The following ZNF14 variants were observed in gnomAD, a reference collection of about 807,000 sequenced individuals.
The protein encoded by ZNF14 is zinc finger protein 14, also known as gonadotropin inducible transcription repressor-4.
In ZNF14, 9 loss-of-function variants were observed where a neutral mutation model predicts 11.3. The ratio of observed to expected loss-of-function variants is 0.80; its 90% CI spans 0.48 to 1.39. The LOEUF (loss-of-function observed/expected upper bound fraction) is 1.39. Ranked by LOEUF, ZNF14 falls within the 40% of genes most tolerant of loss-of-function variation. ZNF14 has a pLI of 0.00. For synonymous variants in ZNF14, 239 were observed against 245.7 expected (o/e 0.97, Z 0.25); for missense variants, 711 against 763.9 (o/e 0.93, Z 0.82).
Position 19,733,049 on chromosome 19 carries a change from T to A in ZNF14, c.-91A>T. 2 of 1,537,792 alleles carry A rather than the reference T, an allele frequency of 1.3e-6. No homozygotes were observed. Among genetic ancestry groups the A allele is most frequent in the Admixed American group, 3.8e-5 (2 of 52,468 alleles). The stretch of plus-strand genomic sequence containing the variant: ...CGACAAAGGATGCGCTAGAGCCACC[T>A]TCGGCCTTCAGGAGCAGGTGAAACG... On this transcript the variant is annotated 5_prime_UTR_variant, in exon 1 of 4. The change creates a new upstream start codon in the 5' untranslated region. Transcript: ENST00000344099.
At chr19:19,717,734 A>C (rs1246175467) in intron 1 of ZNF14, among the ~76,000 whole-genome samples, 1 of 152,208 alleles carries the variant, frequency 6.6e-6, no homozygotes, top group Non-Finnish European at 1.5e-5. Context: ...AAAACATCAC[A>C]GCTCGGGCAC....
At position 19,713,019 on chromosome 19, in the gene ZNF14, G is replaced by T. The variant is rs780425761; in HGVS notation, c.262C>A (p.Pro88Thr). The change falls in exon 4 of 4, where the codon CCA becomes ACA. Residue 88 changes from proline to threonine, a missense_variant. Transcript: ENST00000344099. Reference protein sequence around the residue: ...SKCGETTSQMPNVNINKETFT... With the variant: ...SKCGETTSQMTNVNINKETFT... The stretch of plus-strand genomic sequence containing the variant: ...GTTTCCTTGTTGATATTAACATTTG[G>T]CATCTGGCTAGTGGTTTCTCCACAT... The T allele has an allele frequency of 5.0e-6, 8 of 1,614,028 alleles. 1 individual carries two copies. In the South Asian group the frequency reaches 8.8e-5, roughly 18 times the overall value.
intron 1 of ZNF14, among the ~76,000 whole-genome samples, chr19:19,725,313 G>A (rs1395265201): frequency 7.5e-6 from 1 of 133,082 alleles, no homozygotes; most frequent in Non-Finnish European, 1.7e-5. Context: ...GTCTGTAAAG[G>A]ATTTTATTTC....
At chr19:19,713,770 A>G (rs2062369659) in intron 3 of ZNF14, among the ~76,000 whole-genome samples, 2 of 56,796 alleles carry the variant, frequency 3.5e-5, no homozygotes, top group Admixed American at 1.5e-4. Flanking sequence ...TTTTCCCCAG[A>G]TGAGGTCTTG....
chr19:19,730,904 C>A (rs1466724486), intron 1 of ZNF14, among the ~76,000 whole-genome samples: 1 of 152,024 alleles, frequency 6.6e-6, no homozygotes, highest in Non-Finnish European at 1.5e-5. Context: ...AAGAGTGAAA[C>A]TCCATCTCAA....
chr19:19,712,955 C>A lies in ZNF14; in HGVS notation c.326G>T (p.Gly109Val), dbSNP rs929370696. 1.2e-6 allele frequency: 2 copies of A among 1,614,014 alleles called. No individual in the cohort carries two copies. Among genetic ancestry groups the A allele is most frequent in the Non-Finnish European group, 1.7e-6 (2 of 1,180,034 alleles). ...GGACGAATGATGAATGAAGTCTCTT[C>A]CACAAAAGCTGCATTCATGTGGTTT... ...GAKPHECSFC[G>V]RDFIHHSSLN... The change falls in exon 4 of 4, where the codon GGA becomes GTA. Residue 109 changes from glycine (G) to valine (V), a missense_variant. Coordinates refer to ENST00000344099, the MANE Select transcript of ZNF14 (RefSeq NM_021030.3).
intron 1 of ZNF14, among the ~76,000 whole-genome samples, chr19:19,719,317 C>A (rs1477894977): frequency 6.6e-6 from 1 of 152,106 alleles, no homozygotes; most frequent in African/African-American, 2.4e-5. Context: ...AAAATAAATA[C>A]AAGTAAAATA....
chr19:19,711,284 G>A lies in ZNF14; in HGVS notation c.*68C>T. On this transcript the variant is annotated 3_prime_UTR_variant, in exon 4 of 4. Coordinates refer to ENST00000344099, the MANE Select transcript of ZNF14 (RefSeq NM_021030.3). ...TTTGTATTCACACAGCTTCTGTCCA[G>A]TATGAACTCTTTTGTGTATTCAGAA... The A allele has an allele frequency of 1.3e-5, 19 of 1,487,504 alleles. No individual in the cohort carries two copies. The highest frequency in any genetic ancestry group is 1.6e-5 in the Non-Finnish European group (18 of 1,111,190). 92.1% of individuals were successfully genotyped at this position (1,487,504 alleles called of 1,614,324 possible). A position where few individuals can be genotyped will look rare whatever the true frequency, so the allele number is the denominator to read the frequency against.
At position 19,711,447 on chromosome 19, in the gene ZNF14, C is replaced by A. The variant is rs557337383; in HGVS notation, c.1834G>T (p.Glu612Ter). The change falls in exon 4 of 4, where the codon GAG becomes TAG. Residue 612 changes from glutamate (E) to a stop codon, truncating the protein, a stop_gained. Transcript: ENST00000344099. LOFTEE classifies it low-confidence loss of function (END_TRUNC). ...CATTGTTTGCATTCATAAGGTTTCT[C>A]TCCAGTGTGAGACCTTTCATGAATT... is the stretch of plus-strand genomic sequence containing the variant. Reference protein sequence around the residue: ...VRIHERSHTGEKPYECKQCGK... With the variant: ...VRIHERSHTG 2.8e-5 allele frequency: 45 copies of A among 1,612,464 alleles called. No homozygotes were observed. In the Admixed American group the frequency reaches 3.7e-4, roughly 13 times the overall value.
In ZNF14 at chr19:19,714,486, T is replaced by C. The variant is rs999615872; in HGVS notation, c.5A>G (p.Asp2Gly). The C allele has an allele frequency of 1.2e-6, 2 of 1,611,958 alleles. No homozygotes were observed. Among genetic ancestry groups the C allele is most frequent in the Non-Finnish European group, 1.7e-6 (2 of 1,179,478 alleles). ...GGCCACATCCTCAAAGGAGACTGAG[T>C]CCTGAAACATTCCACATATGTTTAC... M[D>G]SVSFEDVAVN... is the part of the protein sequence containing the mutation. The change falls in exon 2 of 4, where the codon GAC becomes GGC. Residue 2 changes from aspartate (D) to glycine (G), a missense_variant and splice_region_variant. Transcript: ENST00000344099.
chr19:19,729,090 C>T (rs1042359662), intron 1 of ZNF14, among the ~76,000 whole-genome samples: 3 of 152,130 alleles, frequency 2.0e-5, no homozygotes, highest in African/African-American at 7.2e-5. Context: ...GATTCTCCTG[C>T]CTCAGCCTCC....
chr19:19,719,914 A>G (rs1231556661), intron 1 of ZNF14, among the ~76,000 whole-genome samples: 1 of 152,212 alleles, frequency 6.6e-6, no homozygotes, highest in African/African-American at 2.4e-5. Context: ...TAACACTAAG[A>G]AAAAGAAAAG....
chr19:19,720,147 C>T lies in ZNF14; in HGVS notation c.4-5660G>A, dbSNP rs1256033482. Among the ~76,000 whole-genome samples the T allele has an allele frequency of 6.6e-6, 1 of 152,092 alleles. No individual in the cohort carries two copies. The highest frequency in any genetic ancestry group is 1.9e-4 in the East Asian group (1 of 5,194). ...TGAAGTATAGCTGGAGACTTCAATA[C>T]CTGTCTATCAGCAATAGCAGATCCA... On this transcript the variant is annotated intron_variant, in intron 1 of 3. Coordinates refer to ENST00000344099, the MANE Select transcript of ZNF14 (RefSeq NM_021030.3). The surrounding 1 kb of genome is among the most constrained non-coding windows in gnomAD (Gnocchi z 4.1).
chr19:19,719,801 C>T (rs1390123674), intron 1 of ZNF14, among the ~76,000 whole-genome samples: 1 of 152,124 alleles, frequency 6.6e-6, no homozygotes, highest in Admixed American at 6.5e-5. Flanking sequence ...TGGACAGATA[C>T]TGTCAATAAT....
At chr19:19,714,947 C>G (rs1260436677) in intron 1 of ZNF14, among the ~76,000 whole-genome samples, 1 of 151,856 alleles carries the variant, frequency 6.6e-6, no homozygotes, top group Non-Finnish European at 1.5e-5. Context: ...TGAGCTCAGG[C>G]AATTTGCCCG....
chr19:19,710,558 A>T lies in ZNF14; in HGVS notation c.*794T>A, dbSNP rs1061270. The T allele has an allele frequency of 0.2, 29,674 of 152,146 alleles. 3,694 individuals are homozygous for T. The highest frequency in any genetic ancestry group is 0.27 in the East Asian group (1,372 of 5,166). 9.4% of individuals were successfully genotyped at this position (152,146 alleles called of 1,614,324 possible). ...ACCTGACAATCTTTATTAAATGAAA[A>T]TATTTTTGTATCATCAACAACAACA... On this transcript the variant is annotated 3_prime_UTR_variant, in exon 4 of 4. Transcript: ENST00000344099.
chr19:19,727,883 C>T (rs2062410769), intron 1 of ZNF14, among the ~76,000 whole-genome samples: 1 of 133,894 alleles, frequency 7.5e-6, no homozygotes, highest in African/African-American at 2.8e-5. Context: ...AAAAATGCTA[C>T]CAGAAACAGA....
rs1384350626 is a variant in ZNF14, at chr19:19,712,365, G to T, written c.916C>A (p.Pro306Thr). 3.7e-6 allele frequency: 6 copies of T among 1,612,920 alleles called. No homozygotes were observed. Among genetic ancestry groups the T allele is most frequent in the East Asian group, 2.2e-5 (1 of 44,868 alleles). Reference sequence around the variant, plus strand: ...TTTCCACATTCTTTACATTCATAGGGTTTCTCTCCACTATGAGTCCTTTTA... The same window carrying T: ...TTTCCACATTCTTTACATTCATAGGTTTTCTCTCCACTATGAGTCCTTTTA... Reference protein sequence around the residue: ...RHKRTHSGEKPYECKECGKAF... With the variant: ...RHKRTHSGEKTYECKECGKAF... The change falls in exon 4 of 4, where the codon CCC becomes ACC. Residue 306 changes from proline to threonine, a missense_variant. Transcript: ENST00000344099.
At position 19,712,037 on chromosome 19, in the gene ZNF14, C is replaced by A. The variant is rs2062362330; in HGVS notation, c.1244G>T (p.Gly415Val). Residue 415 changes from glycine (G) to valine (V), a missense_variant, in exon 4 of 4, where the codon GGA becomes GTA. Gly to Val is a moderately radical substitution (Grantham distance 109). Coordinates refer to ENST00000344099, the MANE Select transcript of ZNF14 (RefSeq NM_021030.3). ...TTGTTTACATTCATAGGGTTTCTCT[C>A]CAGTGTGAGTTGTTTCGTGTTCTCG... Reference protein sequence around the residue: ...SLREHETTHTGEKPYECKQCG... With the variant: ...SLREHETTHTVEKPYECKQCG... The A allele has an allele frequency of 6.2e-7, 1 of 1,613,998 alleles. No homozygotes were observed. Among genetic ancestry groups the A allele is most frequent in the Non-Finnish European group, 8.5e-7 (1 of 1,180,006 alleles).
Sources: allele counts gnomAD v4.1 joint callset (sites outside exome capture counted in the v4.1 genomes callset), GRCh38; gene constraint gnomAD v4.1.1; non-coding constraint Gnocchi (gnomAD v3.1); transcripts MANE v1.5; gene names NCBI Gene and HGNC (gene_info 2026-07-23, HGNC 2026-07-21).